The following LDLRAD4 variants were observed in gnomAD, a reference collection of about 807,000 sequenced individuals.
LDLRAD4 encodes the protein low-density lipoprotein receptor class A domain-containing protein 4.
LDLRAD4 carries 5 observed loss-of-function variants against 17.0 expected under a neutral mutation model. The observed-to-expected ratio is 0.29, with a 90% CI of 0.15 to 0.62. The LOEUF (loss-of-function observed/expected upper bound fraction) is 0.62. Among genes scored for constraint, LDLRAD4 ranks in the 20% least tolerant of loss-of-function variants. The probability of loss-of-function intolerance (pLI) is 0.84; values close to 1 mark genes in which losing one functional copy is unlikely to be tolerated. For missense variants in LDLRAD4, 340 were observed against 424.7 expected (o/e 0.80, Z 1.75); for synonymous variants, 168 against 171.8 (o/e 0.98, Z 0.17).
chr18:13,388,935 G>A (rs1431815306), intron 2 of LDLRAD4, among the ~76,000 whole-genome samples: 3 of 152,204 alleles, frequency 2.0e-5, no homozygotes, highest in Admixed American at 6.5e-5. Flanking sequence ...GTCAGGGCCC[G>A]TGCTGGTTAG....
chr18:13,604,858 C>T (rs190266843), intron 3 of LDLRAD4, among the ~76,000 whole-genome samples: 35 of 152,186 alleles, frequency 2.3e-4, no homozygotes, highest in African/African-American at 7.9e-4. Context: ...TCTCAGTATG[C>T]CTTGTTGATA....
At chr18:13,478,172 G>A (rs1292059590) in intron 3 of LDLRAD4, among the ~76,000 whole-genome samples, 1 of 152,204 alleles carries the variant, frequency 6.6e-6, no homozygotes, top group African/African-American at 2.4e-5. Context: ...TTGACTCGGG[G>A]TTGTCTGAGA....
chr18:13,472,788 A>G (rs1453696901), intron 3 of LDLRAD4: 2 of 151,982 alleles, frequency 1.3e-5, no homozygotes, highest in African/African-American at 4.8e-5. Context: ...TCACAAACAT[A>G]CTCCTTGTTT....
intron 1 of LDLRAD4, among the ~76,000 whole-genome samples, chr18:13,329,987 A>ACT (rs56043874): frequency 0.34 from 50,034 of 149,116 alleles, 8,349 homozygotes; most frequent in South Asian, 0.42. Context: ...AGACAGTCTC[A>ACT]CTCTGTTGCC....
intron 3 of LDLRAD4, chr18:13,612,962 G>A: frequency 1.7e-6 from 1 of 597,436 alleles, no homozygotes; most frequent in Admixed American, 3.1e-5. Flanking sequence ...GAAGATGCAT[G>A]TCAGGCTTTT....
At chr18:13,534,869 G>A (rs1006116200) in intron 3 of LDLRAD4, among the ~76,000 whole-genome samples, 4 of 152,178 alleles carry the variant, frequency 2.6e-5, no homozygotes, top group East Asian at 1.9e-4. Context: ...AGGCCACCTC[G>A]GACCTGCTGT....
intron 1 of LDLRAD4, among the ~76,000 whole-genome samples, chr18:13,355,994 T>A (rs562724208): frequency 3.3e-5 from 5 of 152,166 alleles, no homozygotes; most frequent in Non-Finnish European, 5.9e-5. Flanking sequence ...TTGCAGTGAG[T>A]TATTGAGGCC....
exon 6 of LDLRAD4, chr18:13,652,318 AATC>A (rs1279758190): frequency 1.3e-5 from 2 of 152,352 alleles, no homozygotes; most frequent in South Asian, 2.1e-4. Context: ...AGCTTTCAAA[AATC>A]ATGCTAATTG....
intron 3 of LDLRAD4, among the ~76,000 whole-genome samples, chr18:13,474,015 TGTC>T (rs1052939733): frequency 7.2e-5 from 11 of 152,072 alleles, no homozygotes; most frequent in African/African-American, 2.4e-4. Flanking sequence ...TTGGTGCTGT[TGTC>T]GTGGTAGTGA....
chr18:13,308,697 T>C (rs919973433), intron 1 of LDLRAD4, among the ~76,000 whole-genome samples: 9 of 152,256 alleles, frequency 5.9e-5, no homozygotes, highest in Non-Finnish European at 1.2e-4. Flanking sequence ...CATGTGTGTT[T>C]GTGGTTGTTG....
intron 1 of LDLRAD4, among the ~76,000 whole-genome samples, chr18:13,301,941 C>T (rs889786711): frequency 6.6e-6 from 1 of 152,180 alleles, no homozygotes; most frequent in African/African-American, 2.4e-5. Flanking sequence ...TCCTGACCGC[C>T]TACCAAGTGC....
intron 1 of LDLRAD4, among the ~76,000 whole-genome samples, chr18:13,219,777 T>A (rs555708759): frequency 6.6e-6 from 1 of 152,258 alleles, no homozygotes; most frequent in Non-Finnish European, 1.5e-5. Flanking sequence ...TCCTCCTCTC[T>A]GTATCTTCCC....
intron 3 of LDLRAD4, chr18:13,471,071 G>A (rs1378332960): frequency 6.6e-6 from 1 of 152,216 alleles, no homozygotes; most frequent in Non-Finnish European, 1.5e-5. Context: ...GCAAAGTGCT[G>A]GAGATTGTTA....
intron 1 of LDLRAD4, among the ~76,000 whole-genome samples, chr18:13,319,740 C>T (rs528318640): frequency 9.2e-5 from 14 of 152,182 alleles, no homozygotes; most frequent in African/African-American, 2.7e-4. Flanking sequence ...CAGTACAGAT[C>T]GTCTATATTT....
intron 3 of LDLRAD4, among the ~76,000 whole-genome samples, chr18:13,576,203 C>T (rs1384875578): frequency 1.3e-5 from 2 of 152,088 alleles, no homozygotes; most frequent in East Asian, 3.9e-4. Flanking sequence ...ACGGGTGGAT[C>T]ACGAGGTCAG....
chr18:13,251,032 T>C (rs749458433), intron 1 of LDLRAD4, among the ~76,000 whole-genome samples: 2 of 152,188 alleles, frequency 1.3e-5, no homozygotes, highest in Non-Finnish European at 2.9e-5. Flanking sequence ...TACATGATGA[T>C]TGAATGGGAT....
At chr18:13,497,192 AT>A (rs1005859128) in intron 3 of LDLRAD4, among the ~76,000 whole-genome samples, 7 of 152,048 alleles carry the variant, frequency 4.6e-5, no homozygotes, top group Non-Finnish European at 2.9e-5. Flanking sequence ...GGTTCTTTTT[AT>A]TTTTTAGAGA....
intron 3 of LDLRAD4, among the ~76,000 whole-genome samples, chr18:13,587,889 A>G (rs932966371): frequency 6.6e-6 from 1 of 152,238 alleles, no homozygotes; most frequent in African/African-American, 2.4e-5. Context: ...AAATAAGTTT[A>G]TGTAGTAATA....
At chr18:13,464,226 T>C (rs1283149300) in intron 3 of LDLRAD4, among the ~76,000 whole-genome samples, 1 of 152,246 alleles carries the variant, frequency 6.6e-6, no homozygotes, top group Non-Finnish European at 1.5e-5. Flanking sequence ...ACACTCCATC[T>C]ATCTGTTTGG....
Sources: gnomAD v4.1 joint callset for allele counts (sites outside exome capture counted in the v4.1 genomes callset) on GRCh38, gnomAD v4.1.1 for gene constraint, MANE v1.5 for transcripts, NCBI Gene and HGNC (gene_info 2026-07-23, HGNC 2026-07-21) for gene names.